SLAMF6: variants seen among roughly 807,000 people sequenced by gnomAD.
SLAMF6 encodes the protein NK-T-B-antigen.
Under a neutral mutation model 38.3 loss-of-function variants are expected in SLAMF6, and 21 were observed. That is an observed-to-expected ratio of 0.55 (90% CI 0.39 to 0.79). The LOEUF (loss-of-function observed/expected upper bound fraction) is 0.79, where lower values mean the gene tolerates loss of function less well. Ranked by LOEUF, SLAMF6 falls within the 30% of genes least tolerant of loss-of-function variation. SLAMF6 has a pLI of 0.00. For synonymous variants in SLAMF6, 152 were observed against 146.3 expected (o/e 1.04, Z -0.28); for missense variants, 341 against 385.3 (o/e 0.89, Z 0.96).
chr1:160,516,476 C>A (rs923644771), intron 1 of SLAMF6, among the ~76,000 whole-genome samples: 9 of 152,120 alleles, frequency 5.9e-5, no homozygotes, highest in African/African-American at 7.2e-5. Context: ...CTATCATTGA[C>A]ATTTTTCACA....
intron 6 of SLAMF6, 157 bp from the exon 7 acceptor site, chr1:160,487,332 G>C (rs567235216): frequency 3.1e-5 from 6 of 195,318 alleles, no homozygotes; most frequent in African/African-American, 1.4e-4. Flanking sequence ...AGCACGACTA[G>C]CTATCAAACT....
At chr1:160,510,043 C>A (rs1654393763) in intron 1 of SLAMF6, among the ~76,000 whole-genome samples, 1 of 151,908 alleles carries the variant, frequency 6.6e-6, no homozygotes, top group Non-Finnish European at 1.5e-5. Flanking sequence ...AATACCAAGA[C>A]TGACTTAAGA....
intron 1 of SLAMF6, among the ~76,000 whole-genome samples, chr1:160,508,555 T>C (rs772657505): frequency 2.0e-5 from 3 of 151,988 alleles, no homozygotes; most frequent in African/African-American, 4.8e-5. Flanking sequence ...CCATAAAAAC[T>C]GTAGAAGAAA....
intron 1 of SLAMF6, among the ~76,000 whole-genome samples, chr1:160,513,548 G>A (rs1654597194): frequency 6.6e-6 from 1 of 152,106 alleles, no homozygotes; most frequent in Non-Finnish European, 1.5e-5. Flanking sequence ...TCAACCACAA[G>A]ACACATAATT....
chr1:160,496,414 G>A (rs1330760170), intron 1 of SLAMF6, 21 bp from the exon 2 acceptor site: 1 of 1,605,530 alleles, frequency 6.2e-7, no homozygotes, highest in South Asian at 1.1e-5. Flanking sequence ...AGAAGGAAAG[G>A]TTTTAAAAAT....
chr1:160,508,393 A>C (rs1418581656), intron 1 of SLAMF6, among the ~76,000 whole-genome samples: 1 of 152,236 alleles, frequency 6.6e-6, no homozygotes, highest in Non-Finnish European at 1.5e-5. Flanking sequence ...AACCTGATAA[A>C]AACAAGAAAT....
chr1:160,513,759 A>G (rs1397739222), intron 1 of SLAMF6, among the ~76,000 whole-genome samples: 1 of 152,238 alleles, frequency 6.6e-6, no homozygotes, highest in Non-Finnish European at 1.5e-5. Flanking sequence ...ATCTGGCCAA[A>G]TGAAGCTTCA....
rs554300570 is a variant in SLAMF6, at chr1:160,520,071, G to A, written c.49+3073C>T. ...CAGATTCTGAGAGGTGGAAAAACAC[G>A]TGTCTGAGGATAATGAAAAAATATA... On this transcript the variant is annotated intron_variant, in intron 1 of 7. Transcript: ENST00000368057. 2.6e-5 allele frequency among the ~76,000 whole-genome samples: 4 copies of A among 152,196 alleles called. No homozygotes were observed. The South Asian group carries it at 6.2e-4, about 24-fold the overall frequency.
intron 1 of SLAMF6, among the ~76,000 whole-genome samples, chr1:160,522,409 T>C (rs190813727): frequency 7.9e-5 from 12 of 152,314 alleles, no homozygotes; most frequent in South Asian, 4.1e-4. Flanking sequence ...TAGATTTCCA[T>C]TGGTCTCCTG....
At chr1:160,506,705 T>C (rs1654205879) in intron 1 of SLAMF6, among the ~76,000 whole-genome samples, 1 of 152,166 alleles carries the variant, frequency 6.6e-6, no homozygotes, top group Non-Finnish European at 1.5e-5. Flanking sequence ...AAACAATAAT[T>C]ATAAATCTGT....
chr1:160,488,448 T>C (rs1653085644), intron 6 of SLAMF6, among the ~76,000 whole-genome samples: 1 of 152,190 alleles, frequency 6.6e-6, no homozygotes, highest in Admixed American at 6.5e-5. Flanking sequence ...TCTCAAAATG[T>C]ATGGTATTAT....
intron 1 of SLAMF6, among the ~76,000 whole-genome samples, chr1:160,510,508 G>T (rs189776957): frequency 6.6e-6 from 1 of 152,190 alleles, no homozygotes; most frequent in East Asian, 1.9e-4. Context: ...CATCTTAGTT[G>T]ATGCAGAAAA....
At chr1:160,511,346 T>A (rs992918455) in intron 1 of SLAMF6, among the ~76,000 whole-genome samples, 1 of 152,152 alleles carries the variant, frequency 6.6e-6, no homozygotes, top group African/African-American at 2.4e-5. Flanking sequence ...ATCAAAACAG[T>A]GTGGTACTGG....
At chr1:160,510,815 C>A (rs1198053746) in intron 1 of SLAMF6, among the ~76,000 whole-genome samples, 1 of 152,060 alleles carries the variant, frequency 6.6e-6, no homozygotes, top group East Asian at 1.9e-4. Flanking sequence ...TCACAGATAA[C>A]ATGATGTTGA....
At chr1:160,493,848 C>T (rs761082801) in intron 2 of SLAMF6, among the ~76,000 whole-genome samples, 2 of 152,028 alleles carry the variant, frequency 1.3e-5, no homozygotes, top group Non-Finnish European at 2.9e-5. Context: ...TCTTGCATGG[C>T]AGCAGGAGAG....
intron 6 of SLAMF6, among the ~76,000 whole-genome samples, chr1:160,488,284 C>G (rs1653078700): frequency 6.6e-6 from 1 of 152,056 alleles, no homozygotes; most frequent in African/African-American, 2.4e-5. Flanking sequence ...AAAGAAATGT[C>G]TGAGCAAGTG....
chr1:160,490,158 A>G (rs748263286), intron 5 of SLAMF6, 40 bp downstream of exon 5: 1 of 1,610,218 alleles, frequency 6.2e-7, no homozygotes, highest in East Asian at 2.2e-5. Flanking sequence ...GGCTCTTCCC[A>G]TCTGCTTTAT....
At chr1:160,520,395 C>A (rs867372270) in intron 1 of SLAMF6, among the ~76,000 whole-genome samples, 1 of 152,158 alleles carries the variant, frequency 6.6e-6, no homozygotes, top group Non-Finnish European at 1.5e-5. Flanking sequence ...AATTTAGAAC[C>A]TTGCTGCTTA....
intron 1 of SLAMF6, among the ~76,000 whole-genome samples, chr1:160,517,532 T>G (rs1654800677): frequency 6.6e-6 from 1 of 152,246 alleles, no homozygotes; most frequent in Non-Finnish European, 1.5e-5. Flanking sequence ...TAAATCGCTC[T>G]GTTACAAAGA....
Sources: gnomAD v4.1 joint callset for allele counts (sites outside exome capture counted in the v4.1 genomes callset) on GRCh38, gnomAD v4.1.1 for gene constraint, MANE v1.5 for transcripts, NCBI Gene and HGNC (gene_info 2026-07-23, HGNC 2026-07-21) for gene names.